The following NKAIN2 variants were observed in gnomAD, a reference collection of about 807,000 sequenced individuals.
NKAIN2 encodes the protein sodium/potassium transporting ATPase interacting 2.
In NKAIN2, 14 loss-of-function variants were observed where a neutral mutation model predicts 32.6. That is an observed-to-expected ratio of 0.43 (90% CI 0.28 to 0.67). The LOEUF is 0.67. NKAIN2 is among the 30% of genes least tolerant of loss of function. NKAIN2 has a pLI of 0.17. For synonymous variants in NKAIN2, 80 were observed against 87.2 expected (o/e 0.92, Z 0.46); for missense variants, 198 against 258.3 (o/e 0.77, Z 1.60).
intron 1 of NKAIN2, among the ~76,000 whole-genome samples, chr6:124,241,456 C>T (rs1213876429): frequency 6.6e-6 from 1 of 152,114 alleles, no homozygotes; most frequent in African/African-American, 2.4e-5. Flanking sequence ...GCAAAAAGAA[C>T]AAAGCTGGAG....
chr6:123,928,262 T>C (rs898946937), intron 1 of NKAIN2, among the ~76,000 whole-genome samples: 14 of 152,236 alleles, frequency 9.2e-5, no homozygotes, highest in African/African-American at 3.4e-4. Flanking sequence ...GGAAACAATG[T>C]GAGGTGAGTG....
intron 2 of NKAIN2, among the ~76,000 whole-genome samples, chr6:124,288,287 A>G (rs1157055160): frequency 1.3e-5 from 2 of 152,198 alleles, no homozygotes; most frequent in African/African-American, 4.8e-5. Flanking sequence ...TAACCACCAC[A>G]GTGAACTGCC....
In NKAIN2 at chr6:123,812,734, C is replaced by T. The variant is rs567024562; in HGVS notation, c.54+8480C>T. Among the ~76,000 whole-genome samples the T allele has an allele frequency of 5.3e-5, 8 of 152,220 alleles. No homozygotes were observed. In the South Asian group the frequency reaches 6.2e-4, roughly 12 times the overall value. ...TCTCAGCCTACATATTTGCCTTAGG[C>T]GGGGGAGTGGTGAAGAATCCTCATA... On this transcript the variant is annotated intron_variant, in intron 1 of 6. Transcript: ENST00000368417.
At chr6:123,940,601 T>C (rs989642844) in intron 1 of NKAIN2, among the ~76,000 whole-genome samples, 1 of 152,000 alleles carries the variant, frequency 6.6e-6, no homozygotes, top group African/African-American at 2.4e-5. Context: ...AACACAAAGA[T>C]AAGTATGTAT....
At chr6:124,142,569 C>T (rs1488417693) in intron 1 of NKAIN2, among the ~76,000 whole-genome samples, 4 of 152,196 alleles carry the variant, frequency 2.6e-5, no homozygotes, top group East Asian at 3.9e-4. Context: ...AGAAAAAACA[C>T]GCAGTTGGAT....
chr6:123,874,929 G>GTT (rs1773102886), intron 1 of NKAIN2, among the ~76,000 whole-genome samples: 2 of 151,922 alleles, frequency 1.3e-5, no homozygotes, highest in African/African-American at 4.8e-5. Context: ...GTGTGTGTGT[G>GTT]TGTACATACA....
chr6:124,604,417 A>G (rs1380434094), intron 3 of NKAIN2, among the ~76,000 whole-genome samples: 1 of 151,900 alleles, frequency 6.6e-6, no homozygotes, highest in Non-Finnish European at 1.5e-5. Context: ...GGGTTGACTT[A>G]AAGCATTTTC....
chr6:123,840,715 C>T (rs1042375120), intron 1 of NKAIN2, among the ~76,000 whole-genome samples: 1 of 151,986 alleles, frequency 6.6e-6, no homozygotes, highest in African/African-American at 2.4e-5. Context: ...TTTTATTGTA[C>T]TCTGGCTTTT....
chr6:124,603,305 T>C lies in NKAIN2; in HGVS notation c.274-54881T>C, dbSNP rs542002962. Among the ~76,000 whole-genome samples the C allele has an allele frequency of 1.1e-4, 17 of 152,044 alleles. No individual in the cohort carries two copies. In the South Asian group the frequency reaches 2.3e-3, roughly 20 times the overall value. ...TGTTTTTAAAGTAAAATCATCAAAG[T>C]ATATATATTCTCATATTTCTACTGT... On this transcript the variant is annotated intron_variant, in intron 3 of 6. Coordinates refer to ENST00000368417, the MANE Select transcript of NKAIN2 (RefSeq NM_001040214.3).
chr6:124,204,340 A>G (rs1211700067), intron 1 of NKAIN2, among the ~76,000 whole-genome samples: 1 of 151,848 alleles, frequency 6.6e-6, no homozygotes, highest in Non-Finnish European at 1.5e-5. Flanking sequence ...AAGACATGAA[A>G]TAAGCCATTT....
At chr6:124,807,580 C>T (rs1202889162) in intron 5 of NKAIN2, among the ~76,000 whole-genome samples, 8 of 146,540 alleles carry the variant, frequency 5.5e-5, no homozygotes, top group Admixed American at 4.8e-4. Context: ...ATTAAAAGAA[C>T]TAGAAAAGCA....
chr6:123,884,727 T>C (rs1296327233), intron 1 of NKAIN2, among the ~76,000 whole-genome samples: 1 of 152,090 alleles, frequency 6.6e-6, no homozygotes, highest in Admixed American at 6.6e-5. Flanking sequence ...AAACACTTCA[T>C]GTCCACTGGT....
At chr6:124,659,911 T>C (rs1228515422) in intron 4 of NKAIN2, among the ~76,000 whole-genome samples, 2 of 152,118 alleles carry the variant, frequency 1.3e-5, no homozygotes, top group Non-Finnish European at 2.9e-5. Context: ...CACTAAGTAA[T>C]ATCCCTTGAA....
At chr6:124,582,242 AG>A (rs1297238334) in intron 3 of NKAIN2, among the ~76,000 whole-genome samples, 1 of 152,200 alleles carries the variant, frequency 6.6e-6, no homozygotes, top group Non-Finnish European at 1.5e-5. Flanking sequence ...GTAGCTCATT[AG>A]TAGACTCATT....
chr6:123,907,165 T>C (rs896084354), intron 1 of NKAIN2, among the ~76,000 whole-genome samples: 1 of 152,220 alleles, frequency 6.6e-6, no homozygotes, highest in Admixed American at 6.5e-5. Context: ...GTTACTGTCA[T>C]GTTTCACTTT....
chr6:123,859,391 A>G (rs1322626349), intron 1 of NKAIN2, among the ~76,000 whole-genome samples: 2 of 152,102 alleles, frequency 1.3e-5, no homozygotes, highest in Non-Finnish European at 2.9e-5. Flanking sequence ...TTGCAATGAG[A>G]CCATTGGAGT....
chr6:124,702,682 C>G (rs9385341), intron 4 of NKAIN2, among the ~76,000 whole-genome samples: 151,130 of 152,162 alleles, frequency 0.99, 75,056 homozygotes, highest in East Asian at 1. Context: ...TCCATTAAAT[C>G]ATCAATGCTT....
intron 3 of NKAIN2, among the ~76,000 whole-genome samples, chr6:124,605,956 T>C (rs1782481899): frequency 6.6e-6 from 1 of 152,018 alleles, no homozygotes; most frequent in African/African-American, 2.4e-5. Flanking sequence ...TTTGTTTCTG[T>C]GCAATGTTCT....
At chr6:123,873,686 G>A (rs1451260597) in intron 1 of NKAIN2, among the ~76,000 whole-genome samples, 1 of 152,150 alleles carries the variant, frequency 6.6e-6, no homozygotes, top group African/African-American at 2.4e-5. Flanking sequence ...TTATATTTAT[G>A]GAGAATAGAT....
Sources: gnomAD v4.1 joint callset for allele counts (sites outside exome capture counted in the v4.1 genomes callset) on GRCh38, gnomAD v4.1.1 for gene constraint, MANE v1.5 for transcripts, NCBI Gene and HGNC (gene_info 2026-07-23, HGNC 2026-07-21) for gene names.